Variants in PTPRD observed in about 807,000 individuals in gnomAD.
PTPRD encodes receptor-type tyrosine-protein phosphatase delta.
PTPRD carries 34 observed loss-of-function variants against 214.5 expected under a neutral mutation model. That is an observed-to-expected ratio of 0.16 (90% CI 0.12 to 0.21). PTPRD has a LOEUF of 0.21. Among genes scored for constraint, PTPRD ranks in the 10% least tolerant of loss-of-function variants. The pLI is 1.00. For synonymous variants in PTPRD, 1,128 were observed against 845.7 expected (o/e 1.33, Z -5.79); for missense variants, 2,545 against 2,398.7 (o/e 1.06, Z -1.27).
intron 5 of PTPRD, among the ~76,000 whole-genome samples, chr9:9,889,643 A>C (rs867558886): frequency 1.3e-5 from 2 of 152,090 alleles, no homozygotes; most frequent in African/African-American, 2.4e-5. Context: ...TTCTGTGACA[A>C]AGTAGCTGGA....
intron 12 of PTPRD, among the ~76,000 whole-genome samples, chr9:8,682,270 T>C (rs2097566025): frequency 6.6e-6 from 1 of 152,220 alleles, no homozygotes; most frequent in African/African-American, 2.4e-5. Context: ...ACCTCTTCAA[T>C]GAGACTTCGA....
chr9:9,272,138 G>T (rs765841079), intron 9 of PTPRD, among the ~76,000 whole-genome samples: 1 of 150,962 alleles, frequency 6.6e-6, no homozygotes, highest in Admixed American at 6.6e-5. Flanking sequence ...AGTTCTAAAA[G>T]TCTGCAGTGT....
chr9:10,216,383 T>C (rs1385884123), intron 3 of PTPRD, among the ~76,000 whole-genome samples: 1 of 151,928 alleles, frequency 6.6e-6, no homozygotes, highest in Non-Finnish European at 1.5e-5. Flanking sequence ...GGGTTCACTT[T>C]ATTATTTTTA....
intron 3 of PTPRD, among the ~76,000 whole-genome samples, chr9:10,335,966 C>G (rs1295719698): frequency 6.6e-6 from 1 of 151,730 alleles, no homozygotes; most frequent in Non-Finnish European, 1.5e-5. Context: ...TGTGGAACAA[C>G]AGGAACACTC....
In PTPRD at chr9:8,700,900, T is replaced by C. The variant is rs567292738; in HGVS notation, c.64+32880A>G. 2.0e-5 allele frequency: 3 copies of C among 152,276 alleles called. No individual in the cohort carries two copies. The South Asian group carries it at 6.2e-4, about 32-fold the overall frequency. The allele number at this position is 152,276 out of a possible 1,614,324, so 9.4% of individuals were successfully genotyped here. A position where few individuals can be genotyped will look rare whatever the true frequency, so the allele number is the denominator to read the frequency against. ...GAATTTTTTCATGAAAGTAAAATTT[T>C]TCCTGTAATCCCAGCACTTTGGGAG... On this transcript the variant is annotated intron_variant, in intron 12 of 45. Coordinates refer to ENST00000381196, the MANE Select transcript of PTPRD (RefSeq NM_002839.4).
At chr9:8,789,421 T>G (rs546375947) in intron 11 of PTPRD, among the ~76,000 whole-genome samples, 4 of 152,206 alleles carry the variant, frequency 2.6e-5, no homozygotes, top group Non-Finnish European at 2.9e-5. Context: ...TAATTCCCAC[T>G]GACCTGCTCT....
chr9:8,864,932 C>T lies in PTPRD; in HGVS notation c.-103-130986G>A, dbSNP rs150100139. 3.1e-4 allele frequency among the ~76,000 whole-genome samples: 47 copies of T among 152,298 alleles called. 1 individual carries two copies. The highest frequency in any genetic ancestry group is 9.9e-4 in the African/African-American group (41 of 41,572). ...TTGTCTTACACTTGTATTAAAAACACAATAAAGAAAACAGCTTTGTACAAG... is the reference window on the plus strand; with the variant it reads ...TTGTCTTACACTTGTATTAAAAACATAATAAAGAAAACAGCTTTGTACAAG... On this transcript the variant is annotated intron_variant, in intron 11 of 45. Coordinates refer to ENST00000381196, the MANE Select transcript of PTPRD (RefSeq NM_002839.4).
chr9:8,521,225 T>C (rs2138839524), intron 20 of PTPRD, 52 bp downstream of exon 20: 1 of 1,551,426 alleles, frequency 6.4e-7, no homozygotes, highest in Admixed American at 1.9e-5. Context: ...GAGGCATTAG[T>C]CACTTGGCTT....
At chr9:9,518,343 A>T (rs1311202060) in intron 8 of PTPRD, among the ~76,000 whole-genome samples, 1 of 152,088 alleles carries the variant, frequency 6.6e-6, no homozygotes, top group African/African-American at 2.4e-5. Flanking sequence ...GGCTACGGGA[A>T]GATTCTACTC....
At chr9:8,546,003 G>C (rs1158280395) in intron 14 of PTPRD, among the ~76,000 whole-genome samples, 1 of 152,160 alleles carries the variant, frequency 6.6e-6, no homozygotes, top group Non-Finnish European at 1.5e-5. Flanking sequence ...AACCTCTTTA[G>C]TTTTCATAAG....
At chr9:9,964,219 A>G (rs2094541299) in intron 4 of PTPRD, among the ~76,000 whole-genome samples, 1 of 152,162 alleles carries the variant, frequency 6.6e-6, no homozygotes, top group African/African-American at 2.4e-5. Context: ...TCAATACTGA[A>G]TTTAGTTTGG....
chr9:9,230,712 G>A (rs1041291825), intron 9 of PTPRD, among the ~76,000 whole-genome samples: 3 of 152,078 alleles, frequency 2.0e-5, no homozygotes, highest in Non-Finnish European at 2.9e-5. Flanking sequence ...GTTGTTGTCA[G>A]GAGTGTTGCG....
At chr9:10,240,280 A>G (rs2154362160) in intron 3 of PTPRD, among the ~76,000 whole-genome samples, 1 of 152,108 alleles carries the variant, frequency 6.6e-6, no homozygotes, top group Middle Eastern at 3.4e-3. Context: ...ATGTAAAACT[A>G]TCAAATACAC....
chr9:8,536,505 G>A (rs1460005236), intron 14 of PTPRD, among the ~76,000 whole-genome samples: 1 of 151,868 alleles, frequency 6.6e-6, no homozygotes, highest in Admixed American at 6.6e-5. Flanking sequence ...CCTCAGGATT[G>A]GTTCTAGAAG....
Position 8,686,263 on chromosome 9 carries a change from C to CA in PTPRD, c.64+47516dup, listed in dbSNP as rs563407527. On this transcript the variant is annotated intron_variant, in intron 12 of 45. Transcript: ENST00000381196. Reference sequence around the variant, plus strand: ...ATTCAGTGACCAATTAATTTGGAGGCAAAATTGGCCAAGTATAAAGTTATG... The same window carrying CA: ...ATTCAGTGACCAATTAATTTGGAGGCAAAAATTGGCCAAGTATAAAGTTATG... Among the ~76,000 whole-genome samples, 38 of 152,168 alleles carry CA rather than the reference C, an allele frequency of 2.5e-4. 1 individual carries two copies. The East Asian group carries it at 7.1e-3, about 29-fold the overall frequency.
intron 3 of PTPRD, among the ~76,000 whole-genome samples, chr9:10,141,190 C>T (rs999892449): frequency 6.6e-6 from 1 of 152,052 alleles, no homozygotes; most frequent in East Asian, 1.9e-4. Flanking sequence ...AAAACTGGCA[C>T]AAGACAGGGA....
chr9:10,007,737 A>C (rs564169638), intron 4 of PTPRD, among the ~76,000 whole-genome samples: 23 of 152,174 alleles, frequency 1.5e-4, no homozygotes, highest in African/African-American at 5.5e-4. Context: ...AATTGTGAAT[A>C]GCTTCAGCAT....
At chr9:9,864,899 T>C (rs1232948658) in intron 5 of PTPRD, among the ~76,000 whole-genome samples, 2 of 152,180 alleles carry the variant, frequency 1.3e-5, no homozygotes, top group African/African-American at 4.8e-5. Context: ...GATTTCATCT[T>C]TAAAAATTAT....
intron 11 of PTPRD, among the ~76,000 whole-genome samples, chr9:8,896,808 T>C (rs1202534585): frequency 2.6e-5 from 4 of 152,162 alleles, no homozygotes; most frequent in Non-Finnish European, 5.9e-5. Context: ...CTTTAGTTCC[T>C]TTAGAGTTAA....
Sources: gnomAD v4.1 joint callset for allele counts (sites outside exome capture counted in the v4.1 genomes callset) on GRCh38, gnomAD v4.1.1 for gene constraint, MANE v1.5 for transcripts, NCBI Gene and HGNC (gene_info 2026-07-23, HGNC 2026-07-21) for gene names.